Variants in SLC20A2 observed in about 807,000 individuals in gnomAD.
SLC20A2 encodes solute carrier family 20 member 2, also known as sodium-dependent phosphate transporter 2.
Under a neutral mutation model 61.0 loss-of-function variants are expected in SLC20A2, and 30 were observed. The ratio of observed to expected loss-of-function variants is 0.49; its 90% CI spans 0.37 to 0.67. SLC20A2 has a LOEUF of 0.67. Ranked by LOEUF, SLC20A2 falls within the 30% of genes least tolerant of loss-of-function variation. The pLI is 0.00. For missense variants in SLC20A2, 626 were observed against 866.4 expected (o/e 0.72, Z 3.48); for synonymous variants, 351 against 353.3 (o/e 0.99, Z 0.07).
At chr8:42,507,728 C>T (rs2131365897) in intron 1 of SLC20A2, among the ~76,000 whole-genome samples, 1 of 152,306 alleles carries the variant, frequency 6.6e-6, no homozygotes, top group Admixed American at 6.5e-5. Context: ...CTTTAAGAGG[C>T]TCATAATGTG....
At chr8:42,441,276 T>C (rs1252481093) in intron 6 of SLC20A2, among the ~76,000 whole-genome samples, 1 of 151,320 alleles carries the variant, frequency 6.6e-6, no homozygotes, top group Non-Finnish European at 1.5e-5. Flanking sequence ...TGCCTCAGCC[T>C]CCTGAGTAGC....
intron 1 of SLC20A2, among the ~76,000 whole-genome samples, chr8:42,482,149 T>C (rs1024055566): frequency 1.3e-5 from 2 of 152,252 alleles, no homozygotes; most frequent in African/African-American, 4.8e-5. Context: ...GAAAATATTT[T>C]TTTTTAGTAG....
intron 1 of SLC20A2, among the ~76,000 whole-genome samples, chr8:42,538,484 A>G (rs1352521728): frequency 1.3e-5 from 2 of 151,958 alleles, no homozygotes; most frequent in African/African-American, 4.8e-5. Flanking sequence ...GATTGCAGAG[A>G]AAGTCAGGCT....
intron 1 of SLC20A2, among the ~76,000 whole-genome samples, chr8:42,510,813 T>TTTATGTG (rs1810988415): frequency 6.6e-6 from 1 of 151,964 alleles, no homozygotes; most frequent in Admixed American, 6.6e-5. Flanking sequence ...CAAAAATGAC[T>TTTATGTG]CAATGCACAT....
chr8:42,445,722 C>T (rs935467576), intron 5 of SLC20A2, among the ~76,000 whole-genome samples: 2 of 152,000 alleles, frequency 1.3e-5, no homozygotes, highest in African/African-American at 4.8e-5. Context: ...AGTAAAACTC[C>T]ATCTCAAAAA....
Position 42,437,670 on chromosome 8 carries a change from G to T in SLC20A2, c.935-93C>A. ...AGCCTTGCTCTGTCCTCAGGGTGGA[G>T]TACAATGGCGCAATCTCGGCTCACT... On this transcript the variant is annotated intron_variant, in intron 7 of 10. Transcript: ENST00000520262. The surrounding 1 kb of genome is among the most constrained non-coding windows in gnomAD (Gnocchi z 6.4). 1 of 1,065,166 alleles carries T rather than the reference G, an allele frequency of 9.4e-7. No homozygotes were observed. Among genetic ancestry groups the T allele is most frequent in the Non-Finnish European group, 1.3e-6 (1 of 773,054 alleles). The allele number at this position is 1,065,166 out of a possible 1,614,324, so 66.0% of individuals were successfully genotyped here.
At chr8:42,433,203 ACT>A (rs1370841791) in intron 8 of SLC20A2, among the ~76,000 whole-genome samples, 3 of 152,140 alleles carry the variant, frequency 2.0e-5, no homozygotes, top group African/African-American at 7.2e-5. Context: ...CAAATGTGAA[ACT>A]CTGCACTCTT....
chr8:42,465,561 G>A (rs1807088429), intron 3 of SLC20A2, among the ~76,000 whole-genome samples: 1 of 151,676 alleles, frequency 6.6e-6, no homozygotes, highest in Non-Finnish European at 1.5e-5. Flanking sequence ...CGTGGTAGGA[G>A]GAGCCTGTAG....
upstream of SLC20A2, among the ~76,000 whole-genome samples, chr8:42,504,954 C>G (rs564884269): frequency 3.0e-4 from 44 of 146,774 alleles, no homozygotes; most frequent in African/African-American, 1.1e-3. Context: ...GTCTCTATGT[C>G]CAGGGAGTTC....
intron 9 of SLC20A2, among the ~76,000 whole-genome samples, chr8:42,429,822 C>A (rs773695240): frequency 6.6e-6 from 1 of 152,160 alleles, no homozygotes; most frequent in Non-Finnish European, 1.5e-5. Context: ...GCTCCACTAC[C>A]CCTGCTTGTC....
At chr8:42,484,930 TC>T in intron 1 of SLC20A2, 1 of 408,856 alleles carries the variant, frequency 2.4e-6, no homozygotes, top group South Asian at 1.9e-5. Flanking sequence ...CAAAAAGGCC[TC>T]CAGGCCAAGA....
intron 8 of SLC20A2, among the ~76,000 whole-genome samples, chr8:42,435,109 T>C (rs946774499): frequency 2.6e-5 from 4 of 152,050 alleles, no homozygotes; most frequent in African/African-American, 9.7e-5. Context: ...TGGGACGGTG[T>C]GGGGGCAGAC....
intron 1 of SLC20A2, among the ~76,000 whole-genome samples, chr8:42,473,402 C>T (rs1807805579): frequency 6.6e-6 from 1 of 152,170 alleles, no homozygotes; most frequent in Admixed American, 6.5e-5. Flanking sequence ...CCTGGTGTCA[C>T]TGTCCCCTTG....
At chr8:42,540,202 G>C (rs1324187156) in intron 1 of SLC20A2, among the ~76,000 whole-genome samples, 1 of 152,188 alleles carries the variant, frequency 6.6e-6, no homozygotes, top group Non-Finnish European at 1.5e-5. Context: ...TAAGGAAGGA[G>C]AATCGCTTGA....
chr8:42,539,253 C>T (rs1812904309), intron 1 of SLC20A2, among the ~76,000 whole-genome samples: 1 of 152,174 alleles, frequency 6.6e-6, no homozygotes, highest in Non-Finnish European at 1.5e-5. Flanking sequence ...AAAGAAGACA[C>T]ACATCCAACT....
chr8:42,420,890 C>T (rs767446057), intron 10 of SLC20A2, among the ~76,000 whole-genome samples: 12 of 152,222 alleles, frequency 7.9e-5, no homozygotes, highest in Non-Finnish European at 1.3e-4. Context: ...AGGACCTACT[C>T]TTGACTTTTG....
intron 2 of SLC20A2, among the ~76,000 whole-genome samples, chr8:42,470,747 G>A (rs1221994669): frequency 6.6e-6 from 1 of 152,124 alleles, no homozygotes; most frequent in Non-Finnish European, 1.5e-5. Context: ...GTGATGGTGG[G>A]TGGATTGCTT....
chr8:42,439,546 T>C lies in SLC20A2; in HGVS notation c.838A>G (p.Asn280Asp), dbSNP rs1804603940. The C allele has an allele frequency of 6.2e-7, 1 of 1,614,204 alleles. No individual in the cohort carries two copies. The highest frequency in any genetic ancestry group is 2.2e-5 in the East Asian group (1 of 44,878). The change falls in exon 7 of 11, where the codon AAT becomes GAT. Residue 280 changes from asparagine to aspartate, a missense_variant. Physicochemically the swap from Asn to Asp is conservative, Grantham distance 23. Coordinates refer to ENST00000520262, the MANE Select transcript of SLC20A2 (RefSeq NM_001257180.2). ...VFKELPGAKA[N>D]DDSTIPLTGA... ...GTGAGCGGGATGGTGCTGTCATCAT[T>C]AGCCTTGGCACCTGGTAGCTCTTTA...
intron 10 of SLC20A2, among the ~76,000 whole-genome samples, chr8:42,428,056 C>T (rs932158210): frequency 6.6e-6 from 1 of 152,132 alleles, no homozygotes; most frequent in Non-Finnish European, 1.5e-5. Flanking sequence ...GGTGATGAGA[C>T]CGGGGCTCTG....
Sources: allele counts gnomAD v4.1 joint callset (sites outside exome capture counted in the v4.1 genomes callset), GRCh38; gene constraint gnomAD v4.1.1; non-coding constraint Gnocchi (gnomAD v3.1); transcripts MANE v1.5; gene names NCBI Gene and HGNC (gene_info 2026-07-23, HGNC 2026-07-21).